UBE4B: variants seen among roughly 807,000 people sequenced by gnomAD.
UBE4B encodes ubiquitin conjugation factor E4 B.
UBE4B carries 27 observed loss-of-function variants against 148.1 expected under a neutral mutation model. The ratio of observed to expected loss-of-function variants is 0.18; its 90% CI spans 0.13 to 0.25. The LOEUF (loss-of-function observed/expected upper bound fraction) is 0.25, where lower values mean the gene tolerates loss of function less well. UBE4B is among the 10% of genes least tolerant of loss of function. UBE4B has a pLI of 1.00. For synonymous variants in UBE4B, 596 were observed against 619.3 expected (o/e 0.96, Z 0.56); for missense variants, 1,170 against 1,662.4 (o/e 0.70, Z 5.15).
chr1:10,071,459 G>A (rs1644482922), intron 1 of UBE4B, among the ~76,000 whole-genome samples: 1 of 152,114 alleles, frequency 6.6e-6, no homozygotes, highest in African/African-American at 2.4e-5. Flanking sequence ...ATGGTGGTTT[G>A]CACCTGTAGT....
At chr1:10,097,052 A>T (rs9430245) in intron 3 of UBE4B, among the ~76,000 whole-genome samples, 92,534 of 138,958 alleles carry the variant, frequency 0.67, 31,059 homozygotes, top group East Asian at 0.86. Context: ...AAAAAAAAAA[A>T]AATAATAATA....
intron 17 of UBE4B, among the ~76,000 whole-genome samples, chr1:10,141,570 A>G (rs894435179): frequency 1.2e-4 from 19 of 152,206 alleles, no homozygotes; most frequent in African/African-American, 4.1e-4. Context: ...GCAGCAATAG[A>G]AAACTAGCAT....
At chr1:10,040,587 G>A (rs1199413351) in intron 1 of UBE4B, among the ~76,000 whole-genome samples, 1 of 151,480 alleles carries the variant, frequency 6.6e-6, no homozygotes, top group Non-Finnish European at 1.5e-5. Context: ...TCTGGCCTTG[G>A]TGCTCTAACA....
intron 4 of UBE4B, 59 bp downstream of exon 4, chr1:10,101,254 G>C: frequency 1.3e-6 from 2 of 1,548,002 alleles, no homozygotes; most frequent in Non-Finnish European, 8.9e-7. Context: ...TTCATGTCTT[G>C]TATCTGTAGA....
At position 10,121,970 on chromosome 1, in the gene UBE4B, A is replaced by G. The variant is rs149760840; in HGVS notation, c.1448A>G (p.Gln483Arg). 8.7e-6 allele frequency: 14 copies of G among 1,612,204 alleles called. No homozygotes were observed. In the African/African-American group the frequency reaches 1.5e-4, roughly 17 times the overall value. The part of the protein sequence containing the change: ...QGSLTQPRSL[Q>R]QPSFLVPYML... ...TGTTCATGGGTCCACAGGTCCTTGC[A>G]GCAGCCGTCCTTCCTAGTGCCGTAT... Residue 483 changes from glutamine (Q) to arginine (R), a missense_variant, in exon 10 of 28, where the codon CAG becomes CGG. This residue lies in a region of UBE4B where 388 missense variants were observed against 536.0 expected (regional missense o/e 0.72). Coordinates refer to ENST00000343090, the MANE Select transcript of UBE4B (RefSeq NM_001105562.3).
chr1:10,066,309 G>C (rs577788146), intron 1 of UBE4B, among the ~76,000 whole-genome samples: 13 of 116,478 alleles, frequency 1.1e-4, no homozygotes, highest in East Asian at 2.4e-4. Context: ...TGTGGGATTG[G>C]GGGGGGAGGG....
At chr1:10,084,346 C>T (rs1644729940) in intron 2 of UBE4B, among the ~76,000 whole-genome samples, 2 of 152,088 alleles carry the variant, frequency 1.3e-5, no homozygotes, top group Non-Finnish European at 2.9e-5. Flanking sequence ...TAATCTAATC[C>T]GAGGGCTTGC....
intron 1 of UBE4B, among the ~76,000 whole-genome samples, chr1:10,056,065 G>T (rs888759113): frequency 6.6e-6 from 1 of 152,186 alleles, no homozygotes; most frequent in Non-Finnish European, 1.5e-5. Context: ...GATGTTTTTG[G>T]TTATAAAGGG....
intron 2 of UBE4B, among the ~76,000 whole-genome samples, chr1:10,076,074 A>G (rs1451342375): frequency 2.0e-5 from 3 of 152,124 alleles, no homozygotes; most frequent in Non-Finnish European, 2.9e-5. Flanking sequence ...TCAAGAAAAT[A>G]TGATAGCTGT....
chr1:10,132,337 ATTTG>A, intron 14 of UBE4B, 28 bp from the exon 15 acceptor site: 1 of 1,572,386 alleles, frequency 6.4e-7, no homozygotes, highest in Non-Finnish European at 8.7e-7. Context: ...AATAGTTTTA[ATTTG>A]TTTCTTCTTT....
At chr1:10,070,250 G>T (rs959559698) in intron 1 of UBE4B, among the ~76,000 whole-genome samples, 2 of 151,248 alleles carry the variant, frequency 1.3e-5, no homozygotes, top group Non-Finnish European at 1.5e-5. Context: ...CTCCAGCCTG[G>T]GTGACAAGAG....
intron 1 of UBE4B, among the ~76,000 whole-genome samples, chr1:10,060,925 T>C (rs1644272615): frequency 6.6e-6 from 1 of 152,130 alleles, no homozygotes; most frequent in Admixed American, 6.6e-5. Context: ...TAAAATTTTT[T>C]TGTAGAGAAG....
intron 23 of UBE4B, among the ~76,000 whole-genome samples, chr1:10,164,557 C>G (rs1260231701): frequency 2.6e-5 from 4 of 152,292 alleles, no homozygotes; most frequent in Admixed American, 1.3e-4. Flanking sequence ...ATAGCACATT[C>G]TCGTATTCAT....
At position 10,139,188 on chromosome 1, in the gene UBE4B, G is replaced by T. The variant is rs192296741; in HGVS notation, c.2363+1983G>T. 7.9e-4 allele frequency among the ~76,000 whole-genome samples: 121 copies of T among 152,330 alleles called. 1 individual carries two copies. The East Asian group carries it at 0.021, about 26-fold the overall frequency. On this transcript the variant is annotated intron_variant, in intron 17 of 27. Transcript: ENST00000343090. The stretch of plus-strand genomic sequence containing the variant: ...AGGCAGACGGATCACCTGAGGTCAG[G>T]AGTTGGATGCTAGCCTGGCCAACAT...
intron 1 of UBE4B, among the ~76,000 whole-genome samples, chr1:10,034,588 C>A (rs1184021478): frequency 6.6e-6 from 1 of 152,156 alleles, no homozygotes; most frequent in Non-Finnish European, 1.5e-5. Flanking sequence ...CTTTCAGGAC[C>A]CCTACTGGCC....
rs370298894 is a variant in UBE4B, at chr1:10,158,513, G to A, written c.3053+31G>A. On this transcript the variant is annotated intron_variant, in intron 22 of 27. Transcript: ENST00000343090. ...TATGGGGCCCCTCGTGTCACAACTT[G>A]CTTTCTTGCAAATCGCAGGTAGGAT... 5.0e-5 allele frequency: 80 copies of A among 1,603,028 alleles called. No homozygotes were observed. The African/African-American group carries it at 9.9e-4, about 20-fold the overall frequency.
At chr1:10,113,173 G>A (rs1228734164) in intron 7 of UBE4B, among the ~76,000 whole-genome samples, 1 of 152,178 alleles carries the variant, frequency 6.6e-6, no homozygotes, top group Non-Finnish European at 1.5e-5. Flanking sequence ...TGAAAGGGGA[G>A]CAGGCAGGTC....
intron 2 of UBE4B, chr1:10,072,797 T>C (rs1644511480): frequency 4.1e-6 from 1 of 242,922 alleles, no homozygotes; most frequent in Admixed American, 5.4e-5. Context: ...TGAAAATATC[T>C]CTCTTTTGTC....
At chr1:10,119,455 C>T in intron 8 of UBE4B, 58 bp from the exon 9 acceptor site, 4 of 1,552,348 alleles carry the variant, frequency 2.6e-6, no homozygotes, top group Non-Finnish European at 3.5e-6. Flanking sequence ...TTATTTTTAA[C>T]AGCATGGAAT....
Sources: gnomAD v4.1 joint callset for allele counts (sites outside exome capture counted in the v4.1 genomes callset) on GRCh38, gnomAD v4.1.1 for gene constraint, gnomAD v4.1.1 regional missense constraint, MANE v1.5 for transcripts, NCBI Gene and HGNC (gene_info 2026-07-23, HGNC 2026-07-21) for gene names.